Variants in LSAMP observed in about 807,000 individuals in gnomAD.
LSAMP encodes limbic system associated membrane protein.
Under a neutral mutation model 38.6 loss-of-function variants are expected in LSAMP, and 7 were observed. The observed-to-expected ratio is 0.18, with a 90% confidence interval of 0.10 to 0.34. The LOEUF is 0.34. Ranked by LOEUF, LSAMP falls within the 10% of genes least tolerant of loss-of-function variation. The pLI, the probability that LSAMP is intolerant of heterozygous loss-of-function variation, is 1.00. For missense variants in LSAMP, 313 were observed against 420.0 expected (o/e 0.75, Z 2.23); for synonymous variants, 154 against 166.8 (o/e 0.92, Z 0.59).
chr3:115,910,088 A>T (rs896231693), intron 3 of LSAMP, among the ~76,000 whole-genome samples: 1 of 152,124 alleles, frequency 6.6e-6, no homozygotes, highest in Non-Finnish European at 1.5e-5. Context: ...ACCCAGGGAG[A>T]AAGGTAAGAA....
intron 1 of LSAMP, among the ~76,000 whole-genome samples, chr3:116,423,846 A>C (rs1282720253): frequency 6.6e-6 from 1 of 152,234 alleles, no homozygotes; most frequent in Non-Finnish European, 1.5e-5. Flanking sequence ...AGTGAAAAGA[A>C]AAAAGAAGAG....
intron 1 of LSAMP, among the ~76,000 whole-genome samples, chr3:116,225,662 C>A (rs2046334535): frequency 6.6e-6 from 1 of 151,912 alleles, no homozygotes; most frequent in Admixed American, 6.6e-5. Context: ...CTTTAATTGA[C>A]TAAAATGCAT....
chr3:116,308,925 T>C (rs879819216), intron 1 of LSAMP, among the ~76,000 whole-genome samples: 3 of 152,122 alleles, frequency 2.0e-5, no homozygotes, highest in Non-Finnish European at 2.9e-5. Context: ...AAGTCACATT[T>C]AGTAACATAC....
intron 2 of LSAMP, among the ~76,000 whole-genome samples, chr3:116,074,729 A>G (rs1707695314): frequency 6.6e-6 from 1 of 151,464 alleles, no homozygotes. Flanking sequence ...TTTACTTTGC[A>G]TTTCCTTGAT....
rs1254674551 is a variant in LSAMP at position 115,921,510 on chromosome 3, CATTA to C, written c.515-68897_515-68894del. Among the ~76,000 whole-genome samples, 4 of 151,984 alleles carry C rather than the reference CATTA, an allele frequency of 2.6e-5. No homozygotes were observed. In the East Asian group the frequency reaches 7.7e-4, roughly 29 times the overall value. On this transcript the variant is annotated intron_variant, in intron 3 of 6. Coordinates refer to ENST00000490035, the MANE Select transcript of LSAMP (RefSeq NM_002338.5). ...AATTATATCCTTTTATAGCATTATT[CATTA>C]ATGTATTTTTATAATTATAATTATT...
At chr3:115,960,953 G>A (rs926510319) in intron 3 of LSAMP, among the ~76,000 whole-genome samples, 4 of 152,136 alleles carry the variant, frequency 2.6e-5, no homozygotes, top group Non-Finnish European at 5.9e-5. Context: ...GTGTGCCTGC[G>A]CCTGCAGTAA....
At chr3:116,325,954 A>AT (rs1240876719) in intron 1 of LSAMP, among the ~76,000 whole-genome samples, 5 of 152,082 alleles carry the variant, frequency 3.3e-5, no homozygotes, top group African/African-American at 7.2e-5. Context: ...GACATTCATA[A>AT]TTTTTTTCCC....
intron 1 of LSAMP, among the ~76,000 whole-genome samples, chr3:116,157,245 A>G (rs1465330899): frequency 6.6e-6 from 1 of 152,108 alleles, no homozygotes; most frequent in Non-Finnish European, 1.5e-5. Context: ...GAGTCCCTTT[A>G]TCACTGAGAC....
At chr3:115,944,738 A>C (rs973659473) in intron 3 of LSAMP, among the ~76,000 whole-genome samples, 1 of 152,180 alleles carries the variant, frequency 6.6e-6, no homozygotes, top group Non-Finnish European at 1.5e-5. Context: ...GATCCTGTTC[A>C]AGGTCACATA....
intron 3 of LSAMP, among the ~76,000 whole-genome samples, chr3:115,940,305 C>A (rs866104643): frequency 5.0e-4 from 5 of 9,928 alleles, no homozygotes; most frequent in African/African-American, 8.4e-4. Flanking sequence ...TATTTGGCCC[C>A]GCCCACGTCC....
Position 116,407,873 on chromosome 3 carries a change from C to T in LSAMP, c.155+37004G>A, listed in dbSNP as rs375694315. On this transcript the variant is annotated intron_variant, in intron 1 of 6. Transcript: ENST00000490035. ...GTGGACCAATTCTTGTGACAAGTGA[C>T]AAGCCATAAGCTCCTACAAACAGAG... Among the ~76,000 whole-genome samples the T allele has an allele frequency of 2.9e-4, 44 of 152,096 alleles. 1 individual carries two copies. The highest frequency in any genetic ancestry group is 8.5e-4 in the Admixed American group (13 of 15,266).
chr3:116,391,841 C>T (rs1175534771), intron 1 of LSAMP, among the ~76,000 whole-genome samples: 8 of 152,248 alleles, frequency 5.3e-5, no homozygotes, highest in South Asian at 2.1e-4. Context: ...CGGTTTCTTG[C>T]GCCTTGGGAA....
chr3:115,877,191 C>T (rs980336772), intron 3 of LSAMP, among the ~76,000 whole-genome samples: 4 of 152,044 alleles, frequency 2.6e-5, no homozygotes, highest in African/African-American at 9.7e-5. Flanking sequence ...ATAACAAAAC[C>T]TTATTCCAGT....
intron 1 of LSAMP, among the ~76,000 whole-genome samples, chr3:116,222,340 G>A (rs532379984): frequency 4.6e-5 from 7 of 150,844 alleles, no homozygotes; most frequent in African/African-American, 1.7e-4. Context: ...TGGGTTGACA[G>A]TTGCTTGCCA....
chr3:115,847,408 C>A (rs530785607), intron 4 of LSAMP, among the ~76,000 whole-genome samples: 44 of 152,284 alleles, frequency 2.9e-4, no homozygotes, highest in Non-Finnish European at 4.9e-4. Flanking sequence ...CAATATTAAA[C>A]AATGTATATT....
chr3:116,161,306 G>A (rs1709881280), intron 1 of LSAMP, among the ~76,000 whole-genome samples: 1 of 152,084 alleles, frequency 6.6e-6, no homozygotes, highest in South Asian at 2.1e-4. Context: ...AGTGAATATA[G>A]CAAGATGATT....
At chr3:115,873,312 G>A (rs1194445732) in intron 3 of LSAMP, among the ~76,000 whole-genome samples, 1 of 151,694 alleles carries the variant, frequency 6.6e-6, no homozygotes, top group Non-Finnish European at 1.5e-5. Flanking sequence ...GAACCTGGGA[G>A]GTGGAAGTTG....
At chr3:116,185,699 A>G (rs1211630805) in intron 1 of LSAMP, among the ~76,000 whole-genome samples, 3 of 152,072 alleles carry the variant, frequency 2.0e-5, no homozygotes, top group Non-Finnish European at 2.9e-5. Context: ...AATATAGTGC[A>G]GTGCTTTGAA....
intron 2 of LSAMP, among the ~76,000 whole-genome samples, chr3:116,063,575 A>AAT (rs1941632621): frequency 1.3e-5 from 2 of 152,152 alleles, no homozygotes; most frequent in African/African-American, 4.8e-5. Flanking sequence ...GTTAAGAATA[A>AAT]ATGTTTCATT....
Sources: gnomAD v4.1 joint callset for allele counts (sites outside exome capture counted in the v4.1 genomes callset) on GRCh38, gnomAD v4.1.1 for gene constraint, MANE v1.5 for transcripts, NCBI Gene and HGNC (gene_info 2026-07-23, HGNC 2026-07-21) for gene names.